The following LGR6 variants were observed in gnomAD, a reference collection of about 807,000 sequenced individuals.
The protein encoded by LGR6 is leucine rich repeat containing G protein-coupled receptor 6.
LGR6 carries 45 observed loss-of-function variants against 69.4 expected under a neutral mutation model. The ratio of observed to expected loss-of-function variants is 0.65; its 90% CI spans 0.51 to 0.83. The LOEUF (loss-of-function observed/expected upper bound fraction) is 0.83, where lower values mean the gene tolerates loss of function less well. LGR6 is among the 40% of genes least tolerant of loss of function. The pLI is 0.00. For missense variants in LGR6, 1,108 were observed against 1,246.7 expected, an observed-to-expected ratio of 0.89 and a Z score of 1.68; for synonymous variants, 538 against 555.0, an observed-to-expected ratio of 0.97 and a Z score of 0.43.
chr1:202,236,189 C>G, intron 4 of LGR6, 196 bp downstream of exon 4: 1 of 595,896 alleles, frequency 1.7e-6, no homozygotes, highest in Non-Finnish European at 3.0e-6. Context: ...GTGTACACTC[C>G]TATGCATATT....
Position 202,306,463 on chromosome 1 carries a change from A to G in LGR6, c.1137-405A>G, listed in dbSNP as rs531381564. 9.8e-4 allele frequency among the ~76,000 whole-genome samples: 149 copies of G among 152,250 alleles called. 1 individual carries two copies. The highest frequency in any genetic ancestry group is 3.4e-3 in the African/African-American group (143 of 41,554). On this transcript the variant is annotated intron_variant, in intron 12 of 17. Transcript: ENST00000367278. ...TCTGCATGGCTGAGGCCCAGGGTCC[A>G]TCTCCCATTCAACCAGTCTACTGAG...
intron 16 of LGR6, among the ~76,000 whole-genome samples, chr1:202,311,856 G>A (rs1483254326): frequency 6.6e-6 from 1 of 152,100 alleles, no homozygotes. Flanking sequence ...GCAAATGGTG[G>A]GCAGGCAACC....
chr1:202,277,125 A>G (rs1665623679), intron 5 of LGR6, among the ~76,000 whole-genome samples: 1 of 152,198 alleles, frequency 6.6e-6, no homozygotes, highest in Admixed American at 6.5e-5. Flanking sequence ...TGGTAAGTTC[A>G]TAGGGTAATT....
chr1:202,288,585 T>C (rs964650221), intron 6 of LGR6, among the ~76,000 whole-genome samples: 3 of 152,150 alleles, frequency 2.0e-5, no homozygotes, highest in Non-Finnish European at 4.4e-5. Context: ...CCAGCTGCAG[T>C]CACATCTATA....
intron 1 of LGR6, among the ~76,000 whole-genome samples, chr1:202,224,305 C>T (rs1660358423): frequency 6.6e-6 from 1 of 152,046 alleles, no homozygotes; most frequent in Non-Finnish European, 1.5e-5. Flanking sequence ...ATTTTGTGTG[C>T]GGGGCCTCTA....
In LGR6 at chr1:202,249,748, G is replaced by T. The variant is rs565185124; in HGVS notation, c.428+13755G>T. On this transcript the variant is annotated intron_variant, in intron 4 of 17. Transcript: ENST00000367278. ...GTGACTGTACATCCTGTTCGCTCTGGAGTAGGTCCTCTTTTCCTTACTTCC... is the reference window on the plus strand; with the variant it reads ...GTGACTGTACATCCTGTTCGCTCTGTAGTAGGTCCTCTTTTCCTTACTTCC... Among the ~76,000 whole-genome samples, 13 of 152,194 alleles carry T rather than the reference G, an allele frequency of 8.5e-5. No homozygotes were observed. In the South Asian group the frequency reaches 2.7e-3, roughly 32 times the overall value.
At chr1:202,200,603 T>G (rs1379442256) in intron 1 of LGR6, among the ~76,000 whole-genome samples, 3 of 152,210 alleles carry the variant, frequency 2.0e-5, no homozygotes, top group Non-Finnish European at 4.4e-5. Flanking sequence ...TGGCAACTTC[T>G]TTTAGCCAAA....
At chr1:202,265,548 C>T (rs970621076) in intron 4 of LGR6, among the ~76,000 whole-genome samples, 1 of 152,198 alleles carries the variant, frequency 6.6e-6, no homozygotes, top group African/African-American at 2.4e-5. Context: ...TCGGTGAACA[C>T]CTTCTTCTTC....
intron 9 of LGR6, among the ~76,000 whole-genome samples, chr1:202,302,444 G>A (rs1667670546): frequency 6.6e-6 from 1 of 152,166 alleles, no homozygotes. Flanking sequence ...CGCTGCTGTT[G>A]CATGCAGGCC....
chr1:202,288,064 C>T (rs78362811), intron 6 of LGR6, among the ~76,000 whole-genome samples: 1,654 of 152,290 alleles, frequency 0.011, 36 homozygotes, highest in African/African-American at 0.038. Flanking sequence ...GGCCCCTTGC[C>T]GCCTCTCTGG....
chr1:202,267,136 A>G (rs1424108388), intron 4 of LGR6, among the ~76,000 whole-genome samples: 3 of 152,234 alleles, frequency 2.0e-5, no homozygotes, highest in Non-Finnish European at 4.4e-5. Context: ...CTCAATAGCC[A>G]CAGGGCGGAT....
chr1:202,262,810 G>A (rs1330028609), intron 4 of LGR6, among the ~76,000 whole-genome samples: 1 of 151,708 alleles, frequency 6.6e-6, no homozygotes, highest in East Asian at 1.9e-4. Context: ...TTTTTTGCTG[G>A]GCCAGGTCTA....
chr1:202,303,108 A>G (rs1667726176), intron 9 of LGR6, among the ~76,000 whole-genome samples, 171 bp from the exon 10 acceptor site: 1 of 152,118 alleles, frequency 6.6e-6, no homozygotes, highest in African/African-American at 2.4e-5. Flanking sequence ...CCTGCTAAGT[A>G]TGGCTCAGCC....
At chr1:202,227,343 C>T (rs776949952) in intron 2 of LGR6, among the ~76,000 whole-genome samples, 9 of 152,286 alleles carry the variant, frequency 5.9e-5, no homozygotes, top group Middle Eastern at 3.4e-3. Flanking sequence ...GAGTGTATTT[C>T]GTTGCATTTG....
chr1:202,319,353 C>A lies in LGR6; in HGVS notation c.*146C>A. The A allele has an allele frequency of 1.1e-6, 1 of 879,160 alleles. No individual in the cohort carries two copies. Among genetic ancestry groups the A allele is most frequent in the Non-Finnish European group, 1.7e-6 (1 of 599,730 alleles). The allele number at this position is 879,160 out of a possible 1,614,324, so 54.5% of individuals were successfully genotyped here. A position where few individuals can be genotyped will look rare whatever the true frequency, so the allele number is the denominator to read the frequency against. Reference sequence around the variant, plus strand: ...CCCAGTCCCTGGCTCCACTGATCACCTCTCTCCTGTGACCATCACCAACGG... The same window carrying A: ...CCCAGTCCCTGGCTCCACTGATCACATCTCTCCTGTGACCATCACCAACGG... On this transcript the variant is annotated 3_prime_UTR_variant, in exon 18 of 18. Coordinates refer to ENST00000367278, the MANE Select transcript of LGR6 (RefSeq NM_001017403.2).
At position 202,316,940 on chromosome 1, in the gene LGR6, A is replaced by G. The variant is rs185286348; in HGVS notation, c.1649-1012A>G. Among the ~76,000 whole-genome samples, 9 of 152,326 alleles carry G rather than the reference A, an allele frequency of 5.9e-5. No individual in the cohort carries two copies. The East Asian group carries it at 1.5e-3, about 26-fold the overall frequency. ...CATCTCGTGTGGACCTAGGTTGGAA[A>G]ACCCCAGAAGTCATCTGTATTTTGA... On this transcript the variant is annotated intron_variant, in intron 17 of 17. Transcript: ENST00000367278.
chr1:202,208,160 G>A lies in LGR6; in HGVS notation c.212+13959G>A, dbSNP rs78581794. ...TCCAAAGTTTCCCTCCTCCAATTTC[G>A]TCGCAACCCTCCTGACTCCAGCAAC... On this transcript the variant is annotated intron_variant, in intron 1 of 17. Transcript: ENST00000367278. 2.1e-3 allele frequency among the ~76,000 whole-genome samples: 326 copies of A among 152,168 alleles called. 2 individuals carry two copies. Among genetic ancestry groups the A allele is most frequent in the Non-Finnish European group, 4.0e-3 (269 of 68,002 alleles).
At chr1:202,204,543 AACAC>A (rs199527824) in intron 1 of LGR6, among the ~76,000 whole-genome samples, 1 of 74,066 alleles carries the variant, frequency 1.4e-5, no homozygotes, top group Admixed American at 1.5e-4. Context: ...ACCTCCTTCA[AACAC>A]ACACACACCT....
intron 4 of LGR6, among the ~76,000 whole-genome samples, chr1:202,247,502 C>A (rs535888349): frequency 6.6e-6 from 1 of 152,116 alleles, no homozygotes; most frequent in African/African-American, 2.4e-5. Context: ...CCCTTAGAAC[C>A]GCTTTTTTGT....
Sources: gnomAD v4.1 joint callset for allele counts (sites outside exome capture counted in the v4.1 genomes callset) on GRCh38, gnomAD v4.1.1 for gene constraint, MANE v1.5 for transcripts, NCBI Gene and HGNC (gene_info 2026-07-23, HGNC 2026-07-21) for gene names.